The following DUS2 variants were observed in gnomAD, a reference collection of about 807,000 sequenced individuals.
DUS2 encodes the protein tRNA-dihydrouridine(20) synthase [NAD(P)+]-like.
Under a neutral mutation model 71.3 loss-of-function variants are expected in DUS2, and 52 were observed. That is an observed-to-expected ratio of 0.73 (90% confidence interval 0.58 to 0.92). The LOEUF (loss-of-function observed/expected upper bound fraction) is 0.92, where lower values mean the gene tolerates loss of function less well. DUS2 is among the 40% of genes least tolerant of loss of function. The pLI is 0.00. For synonymous variants in DUS2, 204 were observed against 227.8 expected (o/e 0.90, Z 0.94); for missense variants, 558 against 622.6 (o/e 0.90, Z 1.10).
chr16:68,062,376 TG>T (rs201056159), intron 8 of DUS2, among the ~76,000 whole-genome samples: 6,625 of 152,188 alleles, frequency 0.044, 180 homozygotes, highest in South Asian at 0.09. Context: ...TATCTCCATT[TG>T]ATCAAGGACA....
chr16:68,036,269 C>T (rs1226178736), intron 2 of DUS2, among the ~76,000 whole-genome samples: 2 of 151,602 alleles, frequency 1.3e-5, no homozygotes, highest in African/African-American at 4.9e-5. Context: ...TCAAGAGATT[C>T]TTTGCCTCAG....
intron 10 of DUS2, 35 bp downstream of exon 10, chr16:68,066,671 G>A (rs779163463): frequency 1.1e-5 from 18 of 1,602,726 alleles, no homozygotes; most frequent in South Asian, 2.2e-5. Context: ...TGGCAGGGAG[G>A]TCCTAACCCA....
chr16:68,068,215 T>A (rs928733733), intron 10 of DUS2, among the ~76,000 whole-genome samples: 1 of 152,318 alleles, frequency 6.6e-6, no homozygotes, highest in Admixed American at 6.5e-5. Context: ...AGGGGTCTTA[T>A]AGGAAGAGCC....
intron 7 of DUS2, among the ~76,000 whole-genome samples, chr16:68,058,892 G>A (rs901432292): frequency 2.0e-5 from 3 of 152,160 alleles, no homozygotes; most frequent in Admixed American, 2.0e-4. Flanking sequence ...GTGTTCTCAT[G>A]GTTCAAAAAT....
At chr16:68,062,118 C>T (rs183142583) in intron 8 of DUS2, among the ~76,000 whole-genome samples, 3 of 152,268 alleles carry the variant, frequency 2.0e-5, no homozygotes, top group Admixed American at 1.3e-4. Flanking sequence ...TCAAGCAATT[C>T]TTCTGCCTCA....
At position 68,075,374 on chromosome 16, in the gene DUS2, G is replaced by C; in HGVS notation, c.952G>C (p.Ala318Pro). Residue 318 changes from alanine to proline, a missense_variant, in exon 14 of 17, where the codon GCC (alanine) becomes CCC (proline). By Grantham distance (27) the Ala-to-Pro change is conservative (BLOSUM62 -1). Transcript: ENST00000565263. The part of the protein sequence containing the change: ...REICEAFGLG[A>P]FYEETTQELD... The stretch of plus-strand genomic sequence containing the variant: ...CCCTAGTGAGGCCTTTGGCCTTGGT[G>C]CCTTCTATGAGGAGACCACACAGGA... The C allele has an allele frequency of 6.2e-7, 1 of 1,609,772 alleles. No homozygotes were observed. Among genetic ancestry groups the C allele is most frequent in the South Asian group, 1.1e-5 (1 of 90,014 alleles).
intron 10 of DUS2, among the ~76,000 whole-genome samples, chr16:68,068,853 G>A (rs1426118984): frequency 6.6e-6 from 1 of 151,128 alleles, no homozygotes; most frequent in East Asian, 1.9e-4. Flanking sequence ...ACCCACCTTG[G>A]CTTCCCAAAG....
intron 3 of DUS2, among the ~76,000 whole-genome samples, chr16:68,046,282 A>T (rs910540647): frequency 2.6e-5 from 4 of 152,162 alleles, no homozygotes; most frequent in African/African-American, 9.7e-5. Flanking sequence ...CCTGCTTATA[A>T]GTGAGAACAT....
chr16:68,039,782 G>T (rs140905352), intron 3 of DUS2, among the ~76,000 whole-genome samples: 2 of 152,088 alleles, frequency 1.3e-5, no homozygotes, highest in East Asian at 3.9e-4. Context: ...GGAGGGAAAA[G>T]AAAATTAGAC....
chr16:68,062,457 T>C (rs1423836414), intron 8 of DUS2, among the ~76,000 whole-genome samples: 2 of 151,898 alleles, frequency 1.3e-5, no homozygotes, highest in Non-Finnish European at 2.9e-5. Flanking sequence ...TGGTGGCTCA[T>C]GCCTGTAATC....
chr16:68,059,861 G>T (rs975477721), intron 7 of DUS2, among the ~76,000 whole-genome samples: 1 of 152,100 alleles, frequency 6.6e-6, no homozygotes, highest in Non-Finnish European at 1.5e-5. Context: ...GGAAAATATA[G>T]ACAAGTACAG....
At chr16:68,028,999 G>A (rs1429436516) in intron 2 of DUS2, among the ~76,000 whole-genome samples, 1 of 152,114 alleles carries the variant, frequency 6.6e-6, no homozygotes, top group Non-Finnish European at 1.5e-5. Flanking sequence ...AGGAGTTGGA[G>A]ACTAGCCTGA....
chr16:68,029,137 T>C (rs1248939103), intron 2 of DUS2, among the ~76,000 whole-genome samples: 2 of 151,840 alleles, frequency 1.3e-5, no homozygotes, highest in Non-Finnish European at 2.9e-5. Flanking sequence ...CCCAGGAGTT[T>C]GGGACTGCAG....
At chr16:68,053,868 T>A in intron 5 of DUS2, 1 of 543,860 alleles carries the variant, frequency 1.8e-6, no homozygotes. Flanking sequence ...CACAGTCTTA[T>A]ATGTCTCTAG....
At chr16:68,023,392 G>A (rs1188802140) in intron 1 of DUS2, 41 bp downstream of exon 1, 4 of 709,202 alleles carry the variant, frequency 5.6e-6, no homozygotes, top group African/African-American at 1.9e-5. Flanking sequence ...TCCAGACCCG[G>A]CCAGCCTTGG....
At chr16:68,040,853 C>T (rs1190353604) in intron 3 of DUS2, among the ~76,000 whole-genome samples, 1 of 152,032 alleles carries the variant, frequency 6.6e-6, no homozygotes, top group Non-Finnish European at 1.5e-5. Context: ...GTGAGGTGGC[C>T]CATCTGTGGG....
chr16:68,066,726 C>T (rs2034010459), intron 10 of DUS2, 90 bp downstream of exon 10: 5 of 1,295,314 alleles, frequency 3.9e-6, no homozygotes, highest in Non-Finnish European at 5.6e-6. Flanking sequence ...CAAGTGACAG[C>T]CAATTTCTCT....
chr16:68,062,383 G>A (rs945781493), intron 8 of DUS2, among the ~76,000 whole-genome samples: 7 of 151,912 alleles, frequency 4.6e-5, no homozygotes, highest in African/African-American at 1.7e-4. Context: ...ATTTGATCAA[G>A]GACAATAGAC....
chr16:68,062,291 G>C (rs1231664443), intron 8 of DUS2, among the ~76,000 whole-genome samples: 2 of 152,024 alleles, frequency 1.3e-5, no homozygotes, highest in African/African-American at 4.8e-5. Context: ...GATTACAGAT[G>C]TGAGCCACTG....
Sources: gnomAD v4.1 joint callset for allele counts (sites outside exome capture counted in the v4.1 genomes callset) on GRCh38, gnomAD v4.1.1 for gene constraint, MANE v1.5 for transcripts, NCBI Gene and HGNC (gene_info 2026-07-23, HGNC 2026-07-21) for gene names.